Variants in ETV5 observed in about 807,000 individuals in gnomAD.
The protein encoded by ETV5 is ETS variant transcription factor 5.
In ETV5, 10 loss-of-function variants were observed where a neutral mutation model predicts 70.0. That is an observed-to-expected ratio of 0.14 (90% confidence interval 0.09 to 0.24). The LOEUF (loss-of-function observed/expected upper bound fraction) is 0.24. Ranked by LOEUF, ETV5 falls within the 10% of genes least tolerant of loss-of-function variation. The pLI, the probability that ETV5 is intolerant of heterozygous loss-of-function variation, is 1.00. For missense variants in ETV5, 453 were observed against 651.2 expected (o/e 0.70, Z 3.31); for synonymous variants, 216 against 242.2 (o/e 0.89, Z 1.01).
chr3:186,070,467 T>G (rs766593797), intron 7 of ETV5, among the ~76,000 whole-genome samples: 1 of 152,170 alleles, frequency 6.6e-6, no homozygotes, highest in Non-Finnish European at 1.5e-5. Context: ...CGGCATAACT[T>G]TAAGGATGCG....
chr3:186,053,372 G>C (rs759006761), intron 11 of ETV5, among the ~76,000 whole-genome samples: 102 of 152,340 alleles, frequency 6.7e-4, no homozygotes, highest in Non-Finnish European at 1.2e-3. Flanking sequence ...GAAGTGCTGG[G>C]ATTATAGGCA....
chr3:186,078,974 G>A (rs1383024527), intron 7 of ETV5: 7 of 824,900 alleles, frequency 8.5e-6, no homozygotes, highest in African/African-American at 1.8e-5. Flanking sequence ...TCCCACTCCC[G>A]CCCCATTGTG....
chr3:186,067,704 C>G (rs1179641528), intron 7 of ETV5, among the ~76,000 whole-genome samples: 2 of 151,648 alleles, frequency 1.3e-5, no homozygotes, highest in Non-Finnish European at 2.9e-5. Context: ...ATCATACCAA[C>G]AGCAGAAATC....
At chr3:186,061,618 TA>T (rs1713306072) in intron 9 of ETV5, among the ~76,000 whole-genome samples, 2 of 152,150 alleles carry the variant, frequency 1.3e-5, no homozygotes, top group African/African-American at 2.4e-5. Flanking sequence ...GAAGGTGTTC[TA>T]AAAAAACTTC....
intron 12 of ETV5, among the ~76,000 whole-genome samples, chr3:186,050,655 A>G (rs1713005244): frequency 6.6e-6 from 1 of 152,228 alleles, no homozygotes; most frequent in African/African-American, 2.4e-5. Context: ...GGGACCACCT[A>G]TCCTACAGCA....
chr3:186,077,504 T>A (rs1713824988), intron 7 of ETV5, among the ~76,000 whole-genome samples: 1 of 152,182 alleles, frequency 6.6e-6, no homozygotes, highest in Non-Finnish European at 1.5e-5. Context: ...CACATAGATA[T>A]CACGTGGATG....
rs1490666645 is a variant in ETV5 at position 186,057,798 on chromosome 3, TCTGA to T, written c.971-311_971-308del. ...TGAGGTCTGCATGGATCAATGTTGC[TCTGA>T]CTAAGCCTTTACAGCTGGAAACACA... On this transcript the variant is annotated intron_variant, in intron 9 of 12. Coordinates refer to ENST00000306376, the MANE Select transcript of ETV5 (RefSeq NM_004454.3). The surrounding 1 kb of genome is among the most constrained non-coding windows in gnomAD (Gnocchi z 4.9). Among the ~76,000 whole-genome samples the T allele has an allele frequency of 6.6e-6, 1 of 152,224 alleles. No homozygotes were observed. Among genetic ancestry groups the T allele is most frequent in the African/African-American group, 2.4e-5 (1 of 41,464 alleles).
At chr3:186,108,404 G>T (rs1714647496) in intron 1 of ETV5, 1 of 804,792 alleles carries the variant, frequency 1.2e-6, no homozygotes, top group Non-Finnish European at 1.8e-6. Context: ...CCTGAAACTT[G>T]CAAGGCCTGC....
chr3:186,091,745 TATC>T (rs1273864834), intron 5 of ETV5, among the ~76,000 whole-genome samples: 9 of 152,210 alleles, frequency 5.9e-5, no homozygotes, highest in African/African-American at 2.2e-4. Flanking sequence ...TTGAATGTAT[TATC>T]ATGACATGGA....
intron 12 of ETV5, among the ~76,000 whole-genome samples, chr3:186,050,027 C>T (rs572689459): frequency 1.1e-4 from 17 of 152,290 alleles, no homozygotes; most frequent in African/African-American, 4.1e-4. Context: ...TATCATTCAC[C>T]TTTTAATGAG....
chr3:186,101,091 G>A (rs988240957), intron 5 of ETV5, among the ~76,000 whole-genome samples: 33 of 152,130 alleles, frequency 2.2e-4, no homozygotes, highest in Non-Finnish European at 5.9e-5. Flanking sequence ...TAGTAAATAT[G>A]TACATACATC....
Position 186,080,088 on chromosome 3 carries a change from G to T in ETV5, c.379C>A (p.Pro127Thr). The change falls in exon 7 of 13, where the codon CCT (proline) becomes ACT (threonine). Residue 127 changes from proline (P) to threonine (T), a missense_variant. Pro to Thr is a conservative substitution (Grantham distance 38). Transcript: ENST00000306376. ...GTTAATGGCTTGAACCCAGAGGGAG[G>T]CTTCCTATCATAGGCACTGTAAACA... Reference protein sequence around the residue: ...LYNYCAYDRKPPSGFKPLTPP... With the variant: ...LYNYCAYDRKTPSGFKPLTPP... 6.7e-7 allele frequency: 1 copy of T among 1,496,448 alleles called. No homozygotes were observed. The highest frequency in any genetic ancestry group is 1.9e-4 in the Middle Eastern group (1 of 5,314). 92.7% of individuals were successfully genotyped at this position (1,496,448 alleles called of 1,614,324 possible).
At position 186,077,874 on chromosome 3, in the gene ETV5, G is replaced by C. The variant is rs150832704; in HGVS notation, c.650+1943C>G. ...CCTCAAGGATCTCTGTATCACCCCA[G>C]TGTGTGTGTGAGAGCTTTGAATTTT... On this transcript the variant is annotated intron_variant, in intron 7 of 12. Coordinates refer to ENST00000306376, the MANE Select transcript of ETV5 (RefSeq NM_004454.3). The C allele has an allele frequency of 3.7e-3, 1,434 of 391,980 alleles. 19 individuals carry two copies. The highest frequency in any genetic ancestry group is 0.028 in the African/African-American group (1,345 of 48,098). 24.3% of individuals were successfully genotyped at this position (391,980 alleles called of 1,614,324 possible).
chr3:186,077,912 C>A lies in ETV5; in HGVS notation c.650+1905G>T, dbSNP rs571767178. 52 of 789,848 alleles carry A rather than the reference C, an allele frequency of 6.6e-5. No homozygotes were observed. In the South Asian group the frequency reaches 2.8e-3, roughly 43 times the overall value. The allele number at this position is 789,848 out of a possible 1,614,324, so 48.9% of individuals were successfully genotyped here. On this transcript the variant is annotated intron_variant, in intron 7 of 12. Transcript: ENST00000306376. ...AGCTTTGAATTTTAGACCCATCAGT[C>A]TCAAAGGCAGAGTATAACAAGAAGT...
At chr3:186,068,521 G>A (rs1016089713) in intron 7 of ETV5, among the ~76,000 whole-genome samples, 1 of 152,082 alleles carries the variant, frequency 6.6e-6, no homozygotes, top group East Asian at 1.9e-4. Flanking sequence ...GCTACTAGTC[G>A]AGTTTCCTTA....
At chr3:186,075,162 A>C (rs1361457831) in intron 7 of ETV5, among the ~76,000 whole-genome samples, 3 of 152,310 alleles carry the variant, frequency 2.0e-5, no homozygotes, top group South Asian at 2.1e-4. Flanking sequence ...AACTAAAAAA[A>C]CCTACGCACT....
At position 186,075,366 on chromosome 3, in the gene ETV5, T is replaced by A. The variant is rs369612641; in HGVS notation, c.650+4451A>T. Among the ~76,000 whole-genome samples the A allele has an allele frequency of 3.9e-5, 6 of 152,348 alleles. No individual in the cohort carries two copies. The East Asian group carries it at 1.2e-3, about 29-fold the overall frequency. ...CTACAAATGTGACTTACAGTCAAGT[T>A]CATTCCTCTCTAAAAATTATTGTAC... On this transcript the variant is annotated intron_variant, in intron 7 of 12. Transcript: ENST00000306376.
chr3:186,108,801 C>T (rs1008844036), intron 1 of ETV5, 139 bp downstream of exon 1: 13 of 334,018 alleles, frequency 3.9e-5, no homozygotes, highest in Non-Finnish European at 6.8e-5. Context: ...GCGGTCAACC[C>T]GGGGGGGGTC....
rs563208886 is a variant in ETV5, at chr3:186,050,614, G to A, written c.1311+1416C>T. On this transcript the variant is annotated intron_variant, in intron 12 of 12. Transcript: ENST00000306376. The stretch of plus-strand genomic sequence containing the variant: ...TACAGCTCTGTGAAACCACTGGACC[G>A]TATACTTTAAAAAAAGGAGAGGTAA... Among the ~76,000 whole-genome samples the A allele has an allele frequency of 5.3e-5, 8 of 152,252 alleles. No individual in the cohort carries two copies. The South Asian group carries it at 1.7e-3, about 32-fold the overall frequency.
Sources: gnomAD v4.1 joint callset for allele counts (sites outside exome capture counted in the v4.1 genomes callset) on GRCh38, gnomAD v4.1.1 for gene constraint, Gnocchi (gnomAD v3.1) non-coding constraint, MANE v1.5 for transcripts, NCBI Gene and HGNC (gene_info 2026-07-23, HGNC 2026-07-21) for gene names.